Variants in ABCA13 observed in about 807,000 individuals in gnomAD.
The protein encoded by ABCA13 is ATP-binding cassette sub-family A member 13.
A neutral mutation model predicts 478.7 loss-of-function variants in ABCA13; 476 were observed. The ratio of observed to expected loss-of-function variants is 0.99; its 90% CI spans 0.92 to 1.07. ABCA13 has a LOEUF of 1.07. Ranked by LOEUF, ABCA13 falls within the 50% of genes least tolerant of loss-of-function variation. The pLI, the probability that ABCA13 is intolerant of heterozygous loss-of-function variation, is 0.00. For missense variants in ABCA13, 6,060 were observed against 5,910.6 expected, an observed-to-expected ratio of 1.03 and a Z score of -0.83; for synonymous variants, 2,252 against 2,158.9, an observed-to-expected ratio of 1.04 and a Z score of -1.20.
chr7:48,275,897 C>A lies in ABCA13; in HGVS notation c.6231C>A (p.His2077Gln), dbSNP rs543515028. The change falls in exon 17 of 62, where the codon CAC (histidine) becomes CAA (glutamine). Residue 2077 changes from histidine (H) to glutamine (Q), a missense_variant. This residue lies in a region of ABCA13 where 4,423 missense variants were observed against 4,309.1 expected (regional missense o/e 1.03). Coordinates refer to ENST00000435803, the MANE Select transcript of ABCA13 (RefSeq NM_152701.5). Reference sequence around the variant, plus strand: ...TAACCCAAGATTTTAGAATCAGACACCTGCTTTCTGAAATGAACAAAGGAA... The same window carrying A: ...TAACCCAAGATTTTAGAATCAGACAACTGCTTTCTGAAATGAACAAAGGAA... ...KDLTQDFRIR[H>Q]LLSEMNKGIK... The A allele has an allele frequency of 2.5e-6, 4 of 1,613,542 alleles. No homozygotes were observed. The highest frequency in any genetic ancestry group is 3.4e-6 in the Non-Finnish European group (4 of 1,179,812).
intron 15 of ABCA13, among the ~76,000 whole-genome samples, chr7:48,264,862 G>A (rs920750739): frequency 4.0e-5 from 6 of 151,616 alleles, no homozygotes; most frequent in Admixed American, 3.3e-4. Flanking sequence ...CTAACTCACA[G>A]GGTTGCAAAG....
chr7:48,334,685 C>T (rs116078470), intron 27 of ABCA13, among the ~76,000 whole-genome samples: 177 of 152,262 alleles, frequency 1.2e-3, no homozygotes, highest in African/African-American at 4.0e-3. Flanking sequence ...AGGTTTTTCT[C>T]TGTTTGCTGT....
At chr7:48,642,165 T>A (rs1795141325) in intron 59 of ABCA13, among the ~76,000 whole-genome samples, 1 of 152,148 alleles carries the variant, frequency 6.6e-6, no homozygotes, top group African/African-American at 2.4e-5. Flanking sequence ...AGCCTGAAAT[T>A]AAGACAAGAG....
At chr7:48,551,765 G>C (rs1008905243) in intron 55 of ABCA13, among the ~76,000 whole-genome samples, 33 of 151,822 alleles carry the variant, frequency 2.2e-4, no homozygotes, top group African/African-American at 7.5e-4. Flanking sequence ...ACTGCAGTGA[G>C]AGATTCCCTG....
intron 57 of ABCA13, among the ~76,000 whole-genome samples, chr7:48,589,320 T>C (rs1789500958): frequency 6.6e-6 from 1 of 152,112 alleles, no homozygotes; most frequent in African/African-American, 2.4e-5. Context: ...AGGTTGAAAA[T>C]TCATTTTAGA....
intron 3 of ABCA13, among the ~76,000 whole-genome samples, chr7:48,200,357 A>G (rs191548380): frequency 2.6e-5 from 4 of 152,242 alleles, no homozygotes; most frequent in African/African-American, 9.6e-5. Context: ...ACAGAGCGAG[A>G]CTCATTCTCA....
At chr7:48,212,694 A>G (rs570974477) in intron 3 of ABCA13, among the ~76,000 whole-genome samples, 1 of 152,284 alleles carries the variant, frequency 6.6e-6, no homozygotes, top group South Asian at 2.1e-4. Flanking sequence ...GAATGATGTT[A>G]AGCATCTTTT....
rs573686138 is a variant in ABCA13 at position 48,565,723 on chromosome 7, G to A, written c.14355-14501G>A. Among the ~76,000 whole-genome samples, 6 of 152,292 alleles carry A rather than the reference G, an allele frequency of 3.9e-5. No individual in the cohort carries two copies. In the South Asian group the frequency reaches 1.2e-3, roughly 32 times the overall value. On this transcript the variant is annotated intron_variant, in intron 55 of 61. Transcript: ENST00000435803. ...ATGTAAGAAACAAATCAGCATGAGA[G>A]CATCGTAATCTTTCTAAAACAATGT...
intron 7 of ABCA13, among the ~76,000 whole-genome samples, chr7:48,230,428 C>A (rs1298807245): frequency 1.3e-5 from 2 of 152,210 alleles, no homozygotes; most frequent in African/African-American, 4.8e-5. Context: ...TAGCTCTTTT[C>A]TTGATCCAGG....
chr7:48,317,071 G>T (rs1802698812), intron 26 of ABCA13, 86 bp from the exon 27 acceptor site: 1 of 1,458,378 alleles, frequency 6.9e-7, no homozygotes, highest in South Asian at 1.3e-5. Flanking sequence ...TGAAAATGAG[G>T]CATCCTGGAT....
intron 58 of ABCA13, among the ~76,000 whole-genome samples, chr7:48,596,241 G>A (rs1790267878): frequency 6.6e-6 from 1 of 151,906 alleles, no homozygotes; most frequent in South Asian, 2.1e-4. Context: ...TTCTATCTCT[G>A]GGCTCTTTCT....
In ABCA13 at chr7:48,476,636, C is replaced by T. The variant is rs767425854; in HGVS notation, c.12976-4400C>T. ...GAGGCTGACCCCATCGTGGATCCTG[C>T]CAGGTTATAAACTAATCACAATCTT... On this transcript the variant is annotated intron_variant, in intron 45 of 61. Coordinates refer to ENST00000435803, the MANE Select transcript of ABCA13 (RefSeq NM_152701.5). Among the ~76,000 whole-genome samples, 31 of 152,090 alleles carry T rather than the reference C, an allele frequency of 2.0e-4. 1 individual carries two copies. The highest frequency in any genetic ancestry group is 7.0e-4 in the African/African-American group (29 of 41,406).
At chr7:48,395,561 C>T (rs957484013) in intron 38 of ABCA13, among the ~76,000 whole-genome samples, 1 of 152,174 alleles carries the variant, frequency 6.6e-6, no homozygotes, top group African/African-American at 2.4e-5. Flanking sequence ...TTCTCCTCTG[C>T]CTGACCTGCC....
chr7:48,184,886 A>T (rs1796163175), intron 1 of ABCA13, among the ~76,000 whole-genome samples: 1 of 152,112 alleles, frequency 6.6e-6, no homozygotes, highest in Non-Finnish European at 1.5e-5. Flanking sequence ...TCCAGGCTGG[A>T]GTGCAGTGGT....
At chr7:48,223,728 G>A (rs369770650) in intron 5 of ABCA13, among the ~76,000 whole-genome samples, 5 of 151,960 alleles carry the variant, frequency 3.3e-5, no homozygotes, top group East Asian at 1.9e-4. Flanking sequence ...AGGCTGAGGC[G>A]GTCCAATCAC....
intron 1 of ABCA13, among the ~76,000 whole-genome samples, chr7:48,175,603 T>C (rs1443385094): frequency 1.3e-5 from 2 of 152,188 alleles, no homozygotes; most frequent in Non-Finnish European, 2.9e-5. Flanking sequence ...GTATTTTTAG[T>C]AGAGATGGAG....
chr7:48,615,431 A>T, intron 59 of ABCA13, 54 bp downstream of exon 59: 1 of 1,468,680 alleles, frequency 6.8e-7, no homozygotes, highest in Admixed American at 2.0e-5. Flanking sequence ...CAATAGCATG[A>T]TGCAGGGTTA....
intron 17 of ABCA13, among the ~76,000 whole-genome samples, chr7:48,276,824 A>ATTATGAATT (rs1796368679): frequency 6.6e-6 from 1 of 152,214 alleles, no homozygotes; most frequent in Non-Finnish European, 1.5e-5. Context: ...TATGAAAACA[A>ATTATGAATT]TTATGAATTC....
chr7:48,323,128 G>A (rs1463511241), intron 27 of ABCA13, among the ~76,000 whole-genome samples: 1 of 152,102 alleles, frequency 6.6e-6, no homozygotes, highest in Non-Finnish European at 1.5e-5. Flanking sequence ...AGTCTTTGGC[G>A]ATTATCAGTG....
Sources: gnomAD v4.1 joint callset for allele counts (sites outside exome capture counted in the v4.1 genomes callset) on GRCh38, gnomAD v4.1.1 for gene constraint, gnomAD v4.1.1 regional missense constraint, MANE v1.5 for transcripts, NCBI Gene and HGNC (gene_info 2026-07-23, HGNC 2026-07-21) for gene names.